KIDINS220: variants seen among roughly 807,000 people sequenced by gnomAD.
KIDINS220 encodes the protein kinase D-interacting substrate of 220 kDa.
KIDINS220 carries 63 observed loss-of-function variants against 157.6 expected under a neutral mutation model. The observed-to-expected ratio is 0.40, with a 90% CI of 0.33 to 0.49. KIDINS220 has a LOEUF of 0.49. Among genes scored for constraint, KIDINS220 ranks in the 20% least tolerant of loss-of-function variants. The probability of loss-of-function intolerance (pLI) is 0.66; values close to 1 mark genes in which losing one functional copy is unlikely to be tolerated. For synonymous variants in KIDINS220, 732 were observed against 783.6 expected, an observed-to-expected ratio of 0.93 and a Z score of 1.10; for missense variants, 1,772 against 2,171.2, an observed-to-expected ratio of 0.82 and a Z score of 3.65.
At chr2:8,758,020 G>C (rs951299851) in intron 22 of KIDINS220, among the ~76,000 whole-genome samples, 1 of 152,110 alleles carries the variant, frequency 6.6e-6, no homozygotes, top group Non-Finnish European at 1.5e-5. Flanking sequence ...CAGCCACCAC[G>C]CCTGGCTAAT....
chr2:8,817,943 TCTACTCAC>T, intron 3 of KIDINS220, among the ~76,000 whole-genome samples: 1 of 152,176 alleles, frequency 6.6e-6, no homozygotes, highest in Non-Finnish European at 1.5e-5. Context: ...GCTTGTTCAG[TCTACTCAC>T]TGAACTTCTA....
chr2:8,727,166 CG>C, downstream of KIDINS220: 1 of 1,159,960 alleles, frequency 8.6e-7, no homozygotes, highest in Non-Finnish European at 1.1e-6. Flanking sequence ...AAACTCAAAA[CG>C]CGATAGTCTC....
chr2:8,744,401 A>AC lies in KIDINS220; in HGVS notation c.3585+2743_3585+2744insG, dbSNP rs57838968. ...AAAAAAAAAAAAAATATATATATAT[A>AC]ATATATATATATATATATATATATA... On this transcript the variant is annotated intron_variant, in intron 26 of 29. Transcript: ENST00000256707. Among the ~76,000 whole-genome samples the AC allele has an allele frequency of 4.3e-4, 3 of 7,030 alleles. 1 individual carries two copies. Among genetic ancestry groups the AC allele is most frequent in the Admixed American group, 3.1e-3 (1 of 322 alleles). 4.6% of individuals were successfully genotyped at this position (7,030 alleles called of 152,430 possible).
rs553845097 is a variant in KIDINS220 at position 8,818,079 on chromosome 2, A to T, written c.208-363T>A. Among the ~76,000 whole-genome samples the T allele has an allele frequency of 2.6e-5, 4 of 152,346 alleles. No individual in the cohort carries two copies. In the South Asian group the frequency reaches 8.3e-4, roughly 32 times the overall value. ...TTGGAATTAAAGAGACTGTAATCAG[A>T]TTTAAAAGCACATTCACAGGTTAGC... On this transcript the variant is annotated intron_variant, in intron 3 of 29. Coordinates refer to ENST00000256707, the MANE Select transcript of KIDINS220 (RefSeq NM_020738.4).
chr2:8,769,250 A>G (rs1358538763), intron 22 of KIDINS220, among the ~76,000 whole-genome samples: 2 of 152,226 alleles, frequency 1.3e-5, no homozygotes, highest in East Asian at 1.9e-4. Context: ...TCCTTAAGCA[A>G]GGACCCATGT....
chr2:8,775,327 C>T (rs746565355), intron 21 of KIDINS220, among the ~76,000 whole-genome samples: 36 of 152,140 alleles, frequency 2.4e-4, no homozygotes, highest in African/African-American at 6.5e-4. Flanking sequence ...AGAGTAAATG[C>T]GGTCGCCAAG....
At chr2:8,732,937 C>G (rs1026825516) in intron 29 of KIDINS220, among the ~76,000 whole-genome samples, 2 of 152,206 alleles carry the variant, frequency 1.3e-5, no homozygotes, top group African/African-American at 4.8e-5. Context: ...CTCACCTGGC[C>G]TCCTTCTTCT....
chr2:8,812,361 T>C (rs1400290107), intron 6 of KIDINS220, 34 bp downstream of exon 6: 5 of 1,214,064 alleles, frequency 4.1e-6, no homozygotes, highest in Non-Finnish European at 3.6e-6. Flanking sequence ...GGACATAACA[T>C]GGACTGGAAC....
At chr2:8,749,461 A>C (rs1165041791) in intron 24 of KIDINS220, 1 of 454,454 alleles carries the variant, frequency 2.2e-6, no homozygotes, top group South Asian at 1.6e-5. Flanking sequence ...TAAAGTGAGA[A>C]TATAGCTTGG....
chr2:8,753,486 CTT>C (rs1442685642), intron 22 of KIDINS220, among the ~76,000 whole-genome samples: 1 of 152,128 alleles, frequency 6.6e-6, no homozygotes, highest in Non-Finnish European at 1.5e-5. Context: ...GTGGTAATGA[CTT>C]TGTGGGTATA....
rs767010908 is a variant in KIDINS220, at chr2:8,751,545, T to C, written c.3111A>G (p.Pro1037=). ...NFEVFLSSRT[P]VLVARDVKVF... ...CTTTTACATCTCGAGCCACAAGAAC[T>C]GGGGTCCTTGAAGACAAAAACACTT... The change falls in exon 23 of 30, where the codon CCA becomes CCG. Residue 1037 remains proline (P), a synonymous_variant. Transcript: ENST00000256707. 6.2e-7 allele frequency: 1 copy of C among 1,613,718 alleles called. No individual in the cohort carries two copies. Among genetic ancestry groups the C allele is most frequent in the South Asian group, 1.1e-5 (1 of 91,012 alleles).
At chr2:8,806,826 C>G (rs1675521264) in intron 6 of KIDINS220, among the ~76,000 whole-genome samples, 1 of 152,236 alleles carries the variant, frequency 6.6e-6, no homozygotes, top group African/African-American at 2.4e-5. Context: ...AGTGATCTGC[C>G]TACCTCAGCC....
intron 2 of KIDINS220, among the ~76,000 whole-genome samples, chr2:8,823,525 A>G (rs1678308577): frequency 6.6e-6 from 1 of 152,142 alleles, no homozygotes; most frequent in Non-Finnish European, 1.5e-5. Context: ...ACTCCAATTT[A>G]AATTGATACA....
chr2:8,721,559 A>T (rs1560877), downstream of KIDINS220: 9 of 152,134 alleles, frequency 5.9e-5, no homozygotes, highest in African/African-American at 2.2e-4. Context: ...GAGACTCCAA[A>T]CCCTATTTTA....
chr2:8,794,047 TA>T (rs761072144), intron 11 of KIDINS220, 60 bp from the exon 12 acceptor site: 59 of 1,257,898 alleles, frequency 4.7e-5, no homozygotes, highest in Non-Finnish European at 6.2e-5. Flanking sequence ...ATGCAGACAG[TA>T]ACAATTTTCA....
At chr2:8,765,483 A>C (rs1669355966) in intron 22 of KIDINS220, among the ~76,000 whole-genome samples, 1 of 152,136 alleles carries the variant, frequency 6.6e-6, no homozygotes, top group Admixed American at 6.6e-5. Flanking sequence ...GTTGGCTATA[A>C]ATCCATCATT....
chr2:8,751,346 GT>G, intron 23 of KIDINS220, 119 bp downstream of exon 23: 2 of 681,756 alleles, frequency 2.9e-6, no homozygotes, highest in Admixed American at 6.8e-5. Context: ...TTTCTGTGTA[GT>G]GCTTAGTTCA....
At position 8,793,026 on chromosome 2, in the gene KIDINS220, G is replaced by A. The variant is rs193067370; in HGVS notation, c.1276+784C>T. ...TTTATTTTTTAAAACTATATACATA[G>A]TATGTAACATTTTTATAAGCATAAA... On this transcript the variant is annotated intron_variant, in intron 12 of 29. Coordinates refer to ENST00000256707, the MANE Select transcript of KIDINS220 (RefSeq NM_020738.4). 7.2e-4 allele frequency among the ~76,000 whole-genome samples: 110 copies of A among 152,046 alleles called. No homozygotes were observed. In the Middle Eastern group the frequency reaches 0.014, roughly 19 times the overall value.
At chr2:8,745,993 CTT>C (rs530252729) in intron 26 of KIDINS220, among the ~76,000 whole-genome samples, 9 of 139,728 alleles carry the variant, frequency 6.4e-5, no homozygotes, top group Admixed American at 1.4e-4. Flanking sequence ...AAACTGGGTT[CTT>C]TTTTTTTTTT....
Sources: allele counts gnomAD v4.1 joint callset (sites outside exome capture counted in the v4.1 genomes callset), GRCh38; gene constraint gnomAD v4.1.1; transcripts MANE v1.5; gene names NCBI Gene and HGNC (gene_info 2026-07-23, HGNC 2026-07-21).